The following LYRM4 variants were observed in gnomAD, a reference collection of about 807,000 sequenced individuals.
LYRM4 encodes LYR motif containing 4.
Under a neutral mutation model 11.7 loss-of-function variants are expected in LYRM4, and 9 were observed. The ratio of observed to expected loss-of-function variants is 0.77; its 90% CI spans 0.46 to 1.34. LYRM4 has a LOEUF of 1.34. Among genes scored for constraint, LYRM4 ranks in the 40% most tolerant of loss-of-function variants. The probability of loss-of-function intolerance (pLI) is 0.00; values close to 1 mark genes in which losing one functional copy is unlikely to be tolerated. For synonymous variants in LYRM4, 42 were observed against 40.4 expected, an observed-to-expected ratio of 1.04 and a Z score of -0.15; for missense variants, 133 against 112.5, an observed-to-expected ratio of 1.18 and a Z score of -0.82.
the LYRM4 span, among the ~76,000 whole-genome samples, chr6:5,058,219 C>G: frequency 8.5e-5 from 13 of 152,156 alleles, 1 homozygote; most frequent in South Asian, 2.5e-3. Context: ...ACCTGAGTTC[C>G]ATGAAACCAT....
chr6:5,260,344 T>C (rs1156245953), intron 1 of LYRM4, among the ~76,000 whole-genome samples: 1 of 152,256 alleles, frequency 6.6e-6, no homozygotes, highest in Non-Finnish European at 1.5e-5. Flanking sequence ...CATCCCTTTT[T>C]TCTCTTCTGC....
the LYRM4 span, chr6:5,066,704 A>G: frequency 1.1e-6 from 1 of 880,408 alleles, no homozygotes; most frequent in East Asian, 2.4e-5. Context: ...GTGGAGGTCT[A>G]TTTTGTTTTC....
chr6:5,066,733 G>C, the LYRM4 span: 31 of 785,490 alleles, frequency 3.9e-5, no homozygotes, highest in Non-Finnish European at 6.4e-5. Flanking sequence ...ATTTGCGCCA[G>C]GGTCTCAGCC....
At chr6:5,098,982 C>T (rs79536563), downstream of LYRM4, among the ~76,000 whole-genome samples, 656 of 152,268 alleles carry the variant, frequency 4.3e-3, 3 homozygotes, top group African/African-American at 0.014. Flanking sequence ...TCCACCAACA[C>T]CCCCAGTGCT....
intron 2 of LYRM4, among the ~76,000 whole-genome samples, chr6:5,143,899 G>A (rs1757552255): frequency 6.6e-6 from 1 of 152,246 alleles, no homozygotes; most frequent in Admixed American, 6.5e-5. Context: ...AGTGATTTAT[G>A]TATTTGGATT....
rs577933836 is a variant in LYRM4 at position 5,146,658 on chromosome 6, C to G, written c.208-37167G>C. 7.9e-5 allele frequency among the ~76,000 whole-genome samples: 12 copies of G among 152,290 alleles called. No homozygotes were observed. The South Asian group carries it at 2.5e-3, about 32-fold the overall frequency. On this transcript the variant is annotated intron_variant, in intron 2 of 2. Transcript: ENST00000330636. ...TTGACGTTAGGCAGTTGTGGTGGGG[C>G]CCAGCTACCTGTCCAGTGAACAGCT... is the stretch of plus-strand genomic sequence containing the variant.
intron 1 of LYRM4, among the ~76,000 whole-genome samples, chr6:5,219,820 A>G (rs1431387166): frequency 1.3e-5 from 2 of 152,104 alleles, no homozygotes; most frequent in East Asian, 1.9e-4. Context: ...AGTTGCTGTG[A>G]AAATGGCAGC....
At chr6:5,097,151 G>C in the LYRM4 span, among the ~76,000 whole-genome samples, 1 of 152,232 alleles carries the variant, frequency 6.6e-6, no homozygotes, top group African/African-American at 2.4e-5. Context: ...CTTGCTGGTG[G>C]AGACTCTCTG....
At chr6:5,256,908 G>T (rs1365144186) in intron 1 of LYRM4, among the ~76,000 whole-genome samples, 2 of 152,062 alleles carry the variant, frequency 1.3e-5, no homozygotes, top group Non-Finnish European at 2.9e-5. Context: ...ACTCTGCTTG[G>T]ATTCTCTTCT....
the LYRM4 span, among the ~76,000 whole-genome samples, chr6:5,098,571 C>T: frequency 2.0e-5 from 3 of 152,320 alleles, no homozygotes; most frequent in East Asian, 3.9e-4. Flanking sequence ...TGTGTACACA[C>T]GAGCACCAGG....
chr6:5,178,633 GT>G (rs555247029), intron 2 of LYRM4, among the ~76,000 whole-genome samples: 523 of 151,028 alleles, frequency 3.5e-3, no homozygotes, highest in Non-Finnish European at 4.8e-3. Flanking sequence ...GACCAACATG[GT>G]GAAACCCTGT....
the LYRM4 span, among the ~76,000 whole-genome samples, chr6:5,096,708 G>T: frequency 7.9e-5 from 12 of 152,282 alleles, no homozygotes; most frequent in East Asian, 2.1e-3. Flanking sequence ...GCAAAATAGG[G>T]GCGGTAACTC....
downstream of LYRM4, among the ~76,000 whole-genome samples, chr6:5,099,459 C>T (rs1381001166): frequency 6.6e-6 from 1 of 151,802 alleles, no homozygotes. This position sits in a 1 kb window ranked among gnomAD's most constrained non-coding sequence, Gnocchi z 4.3. Flanking sequence ...CACTATATTG[C>T]CCAAGCTGAT....
chr6:5,038,398 C>A, the LYRM4 span, among the ~76,000 whole-genome samples: 7 of 66,788 alleles, frequency 1.0e-4, 1 homozygote, highest in African/African-American at 2.9e-4. Context: ...CCTCACCTTC[C>A]AGACTGGGCA....
chr6:5,118,429 A>G (rs917209975), intron 2 of LYRM4, among the ~76,000 whole-genome samples: 1 of 152,026 alleles, frequency 6.6e-6, no homozygotes, highest in African/African-American at 2.4e-5. Context: ...TACATTTTTG[A>G]TAGTAGAATT....
At chr6:5,239,950 G>C (rs945520278) in intron 1 of LYRM4, among the ~76,000 whole-genome samples, 2 of 152,210 alleles carry the variant, frequency 1.3e-5, no homozygotes, top group African/African-American at 4.8e-5. Flanking sequence ...AGAGAGAAGG[G>C]AAGCTGATGC....
At chr6:5,224,087 C>T (rs543016051) in intron 1 of LYRM4, among the ~76,000 whole-genome samples, 8 of 152,362 alleles carry the variant, frequency 5.3e-5, no homozygotes, top group Admixed American at 2.6e-4. Context: ...TTTCTCCACA[C>T]ATGGAGCGTC....
intron 2 of LYRM4, among the ~76,000 whole-genome samples, chr6:5,209,854 TG>T (rs1035042697): frequency 6.6e-6 from 1 of 152,196 alleles, no homozygotes; most frequent in African/African-American, 2.4e-5. Context: ...AACATTAAGA[TG>T]GGGCTTGGGA....
At chr6:5,136,186 G>C (rs1757089138) in intron 2 of LYRM4, 3 of 697,956 alleles carry the variant, frequency 4.3e-6, no homozygotes, top group South Asian at 1.3e-4. Context: ...GAATAATACT[G>C]CTCTGAACAC....
Sources: gnomAD v4.1 joint callset for allele counts (sites outside exome capture counted in the v4.1 genomes callset) on GRCh38, gnomAD v4.1.1 for gene constraint, Gnocchi (gnomAD v3.1) non-coding constraint, MANE v1.5 for transcripts, NCBI Gene and HGNC (gene_info 2026-07-23, HGNC 2026-07-21) for gene names.